Variants in STAB2 observed in about 807,000 individuals in gnomAD.
The protein encoded by STAB2 is stabilin 2.
A neutral mutation model predicts 338.1 loss-of-function variants in STAB2; 288 were observed. The observed-to-expected ratio is 0.85, with a 90% CI of 0.77 to 0.94. STAB2 has a LOEUF of 0.94. Among genes scored for constraint, STAB2 ranks in the 40% least tolerant of loss-of-function variants. The probability of loss-of-function intolerance (pLI) is 0.00; values close to 1 mark genes in which losing one functional copy is unlikely to be tolerated. For missense variants in STAB2, 3,141 were observed against 3,210.1 expected (o/e 0.98, Z 0.52); for synonymous variants, 1,202 against 1,193.3 (o/e 1.01, Z -0.15).
intron 9 of STAB2, among the ~76,000 whole-genome samples, chr12:103,642,081 C>T (rs1872968291): frequency 6.6e-6 from 1 of 152,202 alleles, no homozygotes; most frequent in South Asian, 2.1e-4. Flanking sequence ...TGACCTTAGG[C>T]AAGACTAAAC....
Position 103,695,851 on chromosome 12 carries a change from G to T in STAB2, c.3582+7G>T, listed in dbSNP as rs761454741. The T allele has an allele frequency of 1.9e-6, 3 of 1,612,476 alleles. No homozygotes were observed. The East Asian group carries it at 6.7e-5, about 36-fold the overall frequency. On this transcript the variant is annotated splice_region_variant and intron_variant, in intron 33 of 68. Coordinates refer to ENST00000388887, the MANE Select transcript of STAB2 (RefSeq NM_017564.10). ...GAAGAAAGTCTTGTCTCTAGTAAGTGTCAAGAACTATAACTAGGGAAGTTA... is the reference window on the plus strand; with the variant it reads ...GAAGAAAGTCTTGTCTCTAGTAAGTTTCAAGAACTATAACTAGGGAAGTTA...
chr12:103,751,867 C>T (rs1003235515), intron 60 of STAB2, among the ~76,000 whole-genome samples: 11 of 152,158 alleles, frequency 7.2e-5, no homozygotes, highest in Non-Finnish European at 1.6e-4. Context: ...CTGTGCATCA[C>T]GTTGGACCTC....
At chr12:103,737,606 C>G in intron 52 of STAB2, 28 bp from the exon 53 acceptor site, 2 of 996,950 alleles carry the variant, frequency 2.0e-6, no homozygotes, top group Non-Finnish European at 2.7e-6. Flanking sequence ...CTCTCTTTCT[C>G]TTTTTTTTTT....
At position 103,708,507 on chromosome 12, in the gene STAB2, T is replaced by C. The variant is rs747654578; in HGVS notation, c.4259T>C (p.Val1420Ala). 6.2e-7 allele frequency: 1 copy of C among 1,613,938 alleles called. No individual in the cohort carries two copies. Among genetic ancestry groups the C allele is most frequent in the African/African-American group, 1.3e-5 (1 of 74,934 alleles). The change falls in exon 39 of 69, where the codon GTT becomes GCT. Residue 1420 changes from valine (V) to alanine (A), a missense_variant. Coordinates refer to ENST00000388887, the MANE Select transcript of STAB2 (RefSeq NM_017564.10). The stretch of plus-strand genomic sequence containing the variant: ...GGAGATGGCTCCTGTGACTGTGATG[T>C]TGGCTGGCGAGGAGTGCATTGTGAC... ...PLGDGSCDCD[V>A]GWRGVHCDNA...
chr12:103,653,276 C>T (rs1873881002), intron 12 of STAB2, among the ~76,000 whole-genome samples: 1 of 152,038 alleles, frequency 6.6e-6, no homozygotes, highest in African/African-American at 2.4e-5. Context: ...AGGACCTATA[C>T]TATTACATTT....
chr12:103,744,621 G>A (rs1011699989), intron 56 of STAB2, among the ~76,000 whole-genome samples: 3 of 151,532 alleles, frequency 2.0e-5, no homozygotes, highest in Non-Finnish European at 2.9e-5. Flanking sequence ...CGTGTACCAC[G>A]ACATCTGGCT....
intron 3 of STAB2, among the ~76,000 whole-genome samples, chr12:103,607,857 G>A (rs1255030463): frequency 6.6e-6 from 1 of 152,168 alleles, no homozygotes; most frequent in African/African-American, 2.4e-5. Context: ...ACGTGTGCAT[G>A]TGTCTTTATA....
In STAB2 at chr12:103,745,289, G is replaced by A. The variant is rs760944906; in HGVS notation, c.6136+12G>A. ...TGACACTCAGGCAGGTCAGTCATGG[G>A]AGTGGTCAGCTGCTGGCAGCCCAGG... On this transcript the variant is annotated intron_variant, in intron 57 of 68. Transcript: ENST00000388887. 1.7e-5 allele frequency: 27 copies of A among 1,611,102 alleles called. No individual in the cohort carries two copies. Among genetic ancestry groups the A allele is most frequent in the South Asian group, 1.5e-4 (14 of 90,594 alleles).
Position 103,745,182 on chromosome 12 carries a change from G to A in STAB2, c.6041G>A (p.Cys2014Tyr), listed in dbSNP as rs2139139698. 1 of 1,613,144 alleles carries A rather than the reference G, an allele frequency of 6.2e-7. No homozygotes were observed. Among genetic ancestry groups the A allele is most frequent in the Middle Eastern group, 1.7e-4 (1 of 6,052 alleles). The change falls in exon 57 of 69, where the codon TGC becomes TAC. Residue 2014 changes from cysteine (C) to tyrosine (Y), a missense_variant. By Grantham distance (194) the Cys-to-Tyr change is radical (BLOSUM62 -2). Transcript: ENST00000388887. ...RFGPDCLPCGCSDHGQCDDGI... is the reference protein window; with the variant it reads ...RFGPDCLPCGYSDHGQCDDGI... ...CCTAATTTGTTTACAGCCTGTGGCT[G>A]CTCAGACCACGGACAGTGCGATGAT...
intron 3 of STAB2, among the ~76,000 whole-genome samples, chr12:103,595,215 T>C (rs1956857510): frequency 6.6e-6 from 1 of 152,146 alleles, no homozygotes; most frequent in Non-Finnish European, 1.5e-5. Context: ...TTATGTAAAG[T>C]CTTCTTTTTT....
Position 103,713,767 on chromosome 12 carries a change from G to A in STAB2, c.4536G>A (p.Leu1512=). The part of the protein sequence containing the change: ...AGYTGDGIVC[L]EINPCLENHG... ...ACACGGGTGATGGCATTGTGTGCCT[G>A]GGTAGGTGTCCTTCCCTCTTCCATC... The change falls in exon 42 of 69, where the codon CTG becomes CTA. Residue 1512 remains leucine, a splice_region_variant and synonymous_variant. Coordinates refer to ENST00000388887, the MANE Select transcript of STAB2 (RefSeq NM_017564.10). 6.2e-7 allele frequency: 1 copy of A among 1,613,658 alleles called. No individual in the cohort carries two copies. Among genetic ancestry groups the A allele is most frequent in the Non-Finnish European group, 8.5e-7 (1 of 1,179,740 alleles).
intron 34 of STAB2, among the ~76,000 whole-genome samples, chr12:103,702,779 G>A (rs1446200049): frequency 6.6e-6 from 1 of 152,206 alleles, no homozygotes; most frequent in Non-Finnish European, 1.5e-5. Context: ...CCATGGAGCC[G>A]TCTTGCCGGT....
intron 47 of STAB2, 137 bp downstream of exon 47, chr12:103,727,487 G>A (rs562782870): frequency 1.0e-6 from 1 of 990,012 alleles, no homozygotes; most frequent in African/African-American, 1.6e-5. Flanking sequence ...CAATAGAAGG[G>A]GCTGCCTCTT....
In STAB2 at chr12:103,726,183, G is replaced by C. The variant is rs373402360; in HGVS notation, c.4851+20G>C. ...TTGCAGGTAGGAAATATACATGTCT[G>C]TCTAGCCATAAGAGTTCAGCCTAGG... On this transcript the variant is annotated intron_variant, in intron 46 of 68. Coordinates refer to ENST00000388887, the MANE Select transcript of STAB2 (RefSeq NM_017564.10). 1.9e-6 allele frequency: 3 copies of C among 1,613,286 alleles called. No individual in the cohort carries two copies. In the African/African-American group the frequency reaches 4.0e-5, roughly 22 times the overall value.
intron 23 of STAB2, 126 bp downstream of exon 23, chr12:103,674,213 T>C: frequency 9.2e-7 from 1 of 1,088,488 alleles, no homozygotes; most frequent in Non-Finnish European, 1.3e-6. Flanking sequence ...TGAGGCCTGT[T>C]ATCTCCAGCT....
chr12:103,617,403 C>T (rs1957227312), intron 3 of STAB2, among the ~76,000 whole-genome samples: 1 of 152,240 alleles, frequency 6.6e-6, no homozygotes, highest in Non-Finnish European at 1.5e-5. Flanking sequence ...AAGATCCACT[C>T]TGAATAATAG....
intron 64 of STAB2, among the ~76,000 whole-genome samples, chr12:103,758,502 C>T (rs184664323): frequency 3.3e-5 from 5 of 152,302 alleles, no homozygotes; most frequent in East Asian, 3.9e-4. Flanking sequence ...TGGCTCTGCT[C>T]CATGGAACTC....
At position 103,636,462 on chromosome 12, in the gene STAB2, A is replaced by T. The variant is rs562053480; in HGVS notation, c.584-649A>T. ...CTAAATAATACATTGCCCATTTTTTAAAAAAAATAGGTACCCTAAGATCAG... is the reference window on the plus strand; with the variant it reads ...CTAAATAATACATTGCCCATTTTTTTAAAAAAATAGGTACCCTAAGATCAG... On this transcript the variant is annotated intron_variant, in intron 6 of 68. Transcript: ENST00000388887. Among the ~76,000 whole-genome samples the T allele has an allele frequency of 2.1e-3, 323 of 151,212 alleles. 2 individuals are homozygous for T. The highest frequency in any genetic ancestry group is 7.3e-3 in the African/African-American group (302 of 41,190).
chr12:103,695,318 G>A (rs1311726523), intron 31 of STAB2, among the ~76,000 whole-genome samples: 1 of 152,198 alleles, frequency 6.6e-6, no homozygotes, highest in Non-Finnish European at 1.5e-5. Context: ...CTCTAATCAA[G>A]GAGGTTTAAC....
Sources: allele counts gnomAD v4.1 joint callset (sites outside exome capture counted in the v4.1 genomes callset), GRCh38; gene constraint gnomAD v4.1.1; transcripts MANE v1.5; gene names NCBI Gene and HGNC (gene_info 2026-07-23, HGNC 2026-07-21).